The following ADD1 variants were observed in gnomAD, a reference collection of about 807,000 sequenced individuals.
ADD1 encodes alpha-adducin.
A neutral mutation model predicts 80.5 loss-of-function variants in ADD1; 24 were observed. That is an observed-to-expected ratio of 0.30 (90% confidence interval 0.22 to 0.42). The LOEUF (loss-of-function observed/expected upper bound fraction) is 0.42, where lower values mean the gene tolerates loss of function less well. ADD1 is among the 10% of genes least tolerant of loss of function. ADD1 has a pLI of 1.00. For synonymous variants in ADD1, 373 were observed against 393.8 expected, an observed-to-expected ratio of 0.95 and a Z score of 0.63; for missense variants, 948 against 1,019.0, an observed-to-expected ratio of 0.93 and a Z score of 0.95.
At chr4:2,911,035 T>C (rs1209694815) in intron 13 of ADD1, among the ~76,000 whole-genome samples, 2 of 152,204 alleles carry the variant, frequency 1.3e-5, no homozygotes, top group African/African-American at 4.8e-5. Context: ...TACTGGGCAA[T>C]TGTTCCACTT....
In ADD1 at chr4:2,908,601, C is replaced by T. The variant is rs1737456793; in HGVS notation, c.1695C>T (p.Val565=). Residue 565 remains valine, a synonymous_variant, in exon 12 of 16, where the codon GTC becomes GTT. Coordinates refer to ENST00000683351, the MANE Select transcript of ADD1 (RefSeq NM_001354761.2). The part of the protein sequence containing the change: ...LCGVVMDRSL[V]QDAPLSDCTE... ...GTGTAGTGATGGACAGGAGCCTCGT[C>T]CAGGTGAGAGCCCAGAGTGTCTCTG... The T allele has an allele frequency of 2.5e-6, 4 of 1,613,808 alleles. No homozygotes were observed. The African/African-American group carries it at 4.0e-5, about 16-fold the overall frequency.
At chr4:2,864,584 G>A (rs988151015) in intron 1 of ADD1, among the ~76,000 whole-genome samples, 4 of 152,094 alleles carry the variant, frequency 2.6e-5, no homozygotes, top group Non-Finnish European at 2.9e-5. Context: ...GAATGTATCT[G>A]AGATGCCAAG....
chr4:2,894,198 C>G, intron 5 of ADD1, 105 bp downstream of exon 5: 1 of 943,126 alleles, frequency 1.1e-6, no homozygotes, highest in East Asian at 2.4e-5. Flanking sequence ...CAAGAAAGAG[C>G]CTATGTTTTA....
At chr4:2,869,643 T>C (rs1209363142) in intron 1 of ADD1, among the ~76,000 whole-genome samples, 4 of 152,248 alleles carry the variant, frequency 2.6e-5, no homozygotes, top group Admixed American at 2.0e-4. Context: ...CCTGCTGATA[T>C]ACTGTAAGTG....
chr4:2,926,216 G>C lies in ADD1; in HGVS notation c.2047+104G>C. 9.8e-7 allele frequency: 1 copy of C among 1,024,868 alleles called. No individual in the cohort carries two copies. The highest frequency in any genetic ancestry group is 1.5e-6 in the Non-Finnish European group (1 of 656,452). 63.5% of individuals were successfully genotyped at this position (1,024,868 alleles called of 1,614,324 possible). Reference sequence around the variant, plus strand: ...CGTGTTAACAGCAACACGGAAGTGTGTGCTTGCATCAGCGCCAGGACGTGA... The same window carrying C: ...CGTGTTAACAGCAACACGGAAGTGTCTGCTTGCATCAGCGCCAGGACGTGA... On this transcript the variant is annotated intron_variant, in intron 15 of 15. Transcript: ENST00000683351. The surrounding 1 kb of genome is among the most constrained non-coding windows in gnomAD (Gnocchi z 5.0).
At chr4:2,902,317 T>C (rs575013451) in intron 9 of ADD1, 1 of 152,342 alleles carries the variant, frequency 6.6e-6, no homozygotes, top group South Asian at 2.1e-4. Context: ...CATTCTCTTT[T>C]ATTATTCCTC....
intron 4 of ADD1, among the ~76,000 whole-genome samples, chr4:2,885,149 C>G (rs766355357): frequency 1.3e-5 from 2 of 152,178 alleles, no homozygotes; most frequent in Non-Finnish European, 1.5e-5. Context: ...ATGAGTCCTT[C>G]CCTTGTGGAC....
At chr4:2,856,430 G>A (rs1286869283) in intron 1 of ADD1, among the ~76,000 whole-genome samples, 1 of 151,978 alleles carries the variant, frequency 6.6e-6, no homozygotes, top group Non-Finnish European at 1.5e-5. Context: ...TCATTACAAT[G>A]TGTGTAAGGT....
intron 9 of ADD1, among the ~76,000 whole-genome samples, chr4:2,903,665 G>C (rs140385389): frequency 6.6e-6 from 1 of 152,334 alleles, no homozygotes; most frequent in Non-Finnish European, 1.5e-5. Flanking sequence ...ATCACCTTTT[G>C]TGAATTCCGC....
intron 14 of ADD1, among the ~76,000 whole-genome samples, chr4:2,920,657 C>CTTTTTTTTTTTTTTTTTTTTTTTTT (rs55649630): frequency 2.1e-4 from 29 of 136,504 alleles, no homozygotes; most frequent in Middle Eastern, 3.8e-3. Flanking sequence ...GCAACTCCTG[C>CTTTTTTTTTTTTTTTTTTTTTTTTT]TTTTTTTTTT....
chr4:2,885,902 G>C (rs563510378), intron 4 of ADD1, among the ~76,000 whole-genome samples: 14 of 152,192 alleles, frequency 9.2e-5, no homozygotes, highest in African/African-American at 3.4e-4. Flanking sequence ...GAGCCACCCT[G>C]CCCGGCCCCT....
rs145732235 is a variant in ADD1, at chr4:2,903,764, C to CT, written c.1162-999dup. ...GGCCTGGGGCCACTGTGAAGTCTGT[C>CT]TGTCACACTTACCAAGTGTGGCCAG... On this transcript the variant is annotated intron_variant, in intron 9 of 15. Transcript: ENST00000683351. Among the ~76,000 whole-genome samples the CT allele has an allele frequency of 5.5e-3, 841 of 152,282 alleles. 4 individuals carry two copies. The highest frequency in any genetic ancestry group is 0.019 in the African/African-American group (790 of 41,554).
chr4:2,863,362 C>T (rs968496288), intron 1 of ADD1, among the ~76,000 whole-genome samples: 2 of 151,222 alleles, frequency 1.3e-5, no homozygotes, highest in Admixed American at 6.6e-5. Context: ...CAAGGCTTTA[C>T]TTGGAATTTT....
chr4:2,926,751 TAA>T lies in ADD1; in HGVS notation c.2047+640_2047+641del, dbSNP rs1459155977. The T allele has an allele frequency of 6.7e-7, 1 of 1,487,986 alleles. No homozygotes were observed. Among genetic ancestry groups the T allele is most frequent in the African/African-American group, 1.4e-5 (1 of 71,088 alleles). The allele number at this position is 1,487,986 out of a possible 1,614,324, so 92.2% of individuals were successfully genotyped here. A position where few individuals can be genotyped will look rare whatever the true frequency, so the allele number is the denominator to read the frequency against. The stretch of plus-strand genomic sequence containing the variant: ...ATTCTCCTGCTTCTTTGTTGTTTAT[TAA>T]GTTTTGTTTTCTGTTTATTTAAAAT... On this transcript the variant is annotated intron_variant, in intron 15 of 15. Transcript: ENST00000683351. This position sits in a 1 kb window ranked among gnomAD's most constrained non-coding sequence, Gnocchi z 5.0.
intron 4 of ADD1, among the ~76,000 whole-genome samples, chr4:2,893,670 G>A (rs1734683391): frequency 6.6e-6 from 1 of 152,084 alleles, no homozygotes; most frequent in South Asian, 2.1e-4. Context: ...CCTGAGGAGT[G>A]ACACCTTTTT....
In ADD1 at chr4:2,926,690, G is replaced by T; in HGVS notation, c.2047+578G>T. ...CTGTTACCCTAGTAAGTACCGTGCTGCCTCCGCTCTCCACCGGTGCCCTGC... is the reference window on the plus strand; with the variant it reads ...CTGTTACCCTAGTAAGTACCGTGCTTCCTCCGCTCTCCACCGGTGCCCTGC... On this transcript the variant is annotated intron_variant, in intron 15 of 15. Coordinates refer to ENST00000683351, the MANE Select transcript of ADD1 (RefSeq NM_001354761.2). This position sits in a 1 kb window ranked among gnomAD's most constrained non-coding sequence, Gnocchi z 5.0. 6.2e-7 allele frequency: 1 copy of T among 1,612,814 alleles called. No individual in the cohort carries two copies. The highest frequency in any genetic ancestry group is 8.5e-7 in the Non-Finnish European group (1 of 1,179,110).
chr4:2,857,563 G>A (rs544339555), intron 1 of ADD1, among the ~76,000 whole-genome samples: 1 of 152,164 alleles, frequency 6.6e-6, no homozygotes, highest in Non-Finnish European at 1.5e-5. Flanking sequence ...AGCTGAGATT[G>A]TGCCACTGCA....
intron 1 of ADD1, among the ~76,000 whole-genome samples, chr4:2,854,585 T>C (rs1727793894): frequency 6.6e-6 from 1 of 152,248 alleles, no homozygotes; most frequent in Non-Finnish European, 1.5e-5. Context: ...AATAACCTTA[T>C]ACTTTTCATC....
In ADD1 at chr4:2,929,391, T is replaced by A. The variant is rs748180328; in HGVS notation, c.*868T>A. On this transcript the variant is annotated 3_prime_UTR_variant, in exon 16 of 16. Transcript: ENST00000683351. ...GAGGCTTCAGGGGACTGTTCTCACCTTAACTCAGCCAGAAAGATGCCCTAG... is the reference window on the plus strand; with the variant it reads ...GAGGCTTCAGGGGACTGTTCTCACCATAACTCAGCCAGAAAGATGCCCTAG... 6.6e-6 allele frequency: 1 copy of A among 152,292 alleles called. No individual in the cohort carries two copies. Among genetic ancestry groups the A allele is most frequent in the Non-Finnish European group, 1.5e-5 (1 of 68,068 alleles). 9.4% of individuals were successfully genotyped at this position (152,292 alleles called of 1,614,324 possible).
Sources: allele counts gnomAD v4.1 joint callset (sites outside exome capture counted in the v4.1 genomes callset), GRCh38; gene constraint gnomAD v4.1.1; non-coding constraint Gnocchi (gnomAD v3.1); transcripts MANE v1.5; gene names NCBI Gene and HGNC (gene_info 2026-07-23, HGNC 2026-07-21).